Variants in LPGAT1 observed in about 807,000 individuals in gnomAD.
LPGAT1 encodes lysophosphatidylglycerol acyltransferase 1.
LPGAT1 carries 11 observed loss-of-function variants against 47.5 expected under a neutral mutation model. The observed-to-expected ratio is 0.23, with a 90% confidence interval of 0.15 to 0.38. LPGAT1 has a LOEUF of 0.38. Ranked by LOEUF, LPGAT1 falls within the 10% of genes least tolerant of loss-of-function variation. The probability of loss-of-function intolerance (pLI) is 1.00; values close to 1 mark genes in which losing one functional copy is unlikely to be tolerated. For missense variants in LPGAT1, 293 were observed against 439.0 expected (o/e 0.67, Z 2.97); for synonymous variants, 138 against 144.2 (o/e 0.96, Z 0.31).
At position 211,765,882 on chromosome 1, in the gene LPGAT1, G is replaced by T. The variant is rs560083206; in HGVS notation, c.854+13036C>A. 3.9e-5 allele frequency among the ~76,000 whole-genome samples: 6 copies of T among 152,216 alleles called. No individual in the cohort carries two copies. In the South Asian group the frequency reaches 6.2e-4, roughly 16 times the overall value. On this transcript the variant is annotated intron_variant, in intron 6 of 7. Coordinates refer to ENST00000366997, the MANE Select transcript of LPGAT1 (RefSeq NM_014873.3). ...TAAGTGTGTCTGTGTGTGTGTTTCT[G>T]GAAGAAAATAGCATCTGAATTGATG...
chr1:211,761,072 C>T (rs901226999), intron 6 of LPGAT1, among the ~76,000 whole-genome samples: 1 of 152,148 alleles, frequency 6.6e-6, no homozygotes, highest in African/African-American at 2.4e-5. Flanking sequence ...TGAGTAGCAG[C>T]CAAATACTTG....
At chr1:211,783,758 A>T (rs149879682) in intron 4 of LPGAT1, among the ~76,000 whole-genome samples, 1 of 152,326 alleles carries the variant, frequency 6.6e-6, no homozygotes, top group East Asian at 1.9e-4. Flanking sequence ...GCAGTCATTC[A>T]TCAATTCAGT....
chr1:211,776,832 A>G (rs557646058), intron 6 of LPGAT1, among the ~76,000 whole-genome samples: 9 of 152,112 alleles, frequency 5.9e-5, no homozygotes, highest in Admixed American at 2.0e-4. Flanking sequence ...CAAAACTACA[A>G]TTTTTTAGTG....
At chr1:211,760,729 G>A (rs771576421) in intron 6 of LPGAT1, among the ~76,000 whole-genome samples, 4 of 152,130 alleles carry the variant, frequency 2.6e-5, no homozygotes, top group Non-Finnish European at 5.9e-5. Context: ...GGCAGACTCC[G>A]AGCAGAATAA....
chr1:211,818,260 C>T (rs569458671), intron 2 of LPGAT1, among the ~76,000 whole-genome samples: 2 of 152,168 alleles, frequency 1.3e-5, no homozygotes, highest in East Asian at 3.9e-4. Context: ...GAACATCACC[C>T]AAGTCTCTGG....
At chr1:211,768,905 C>A (rs966694589) in intron 6 of LPGAT1, among the ~76,000 whole-genome samples, 2 of 152,014 alleles carry the variant, frequency 1.3e-5, no homozygotes, top group African/African-American at 4.8e-5. Flanking sequence ...AGGAAACAGT[C>A]AGTAGGAACA....
At chr1:211,818,457 G>C (rs1414633123) in intron 2 of LPGAT1, among the ~76,000 whole-genome samples, 1 of 152,130 alleles carries the variant, frequency 6.6e-6, no homozygotes, top group Non-Finnish European at 1.5e-5. Flanking sequence ...TGTGGAATTT[G>C]TTTTCATGTT....
intron 2 of LPGAT1, among the ~76,000 whole-genome samples, chr1:211,801,132 T>C (rs566672651): frequency 6.6e-6 from 1 of 152,270 alleles, no homozygotes; most frequent in South Asian, 2.1e-4. Flanking sequence ...GAAAAGCAGA[T>C]GTGTGAAGGG....
At chr1:211,777,191 G>A (rs1658438912) in intron 6 of LPGAT1, among the ~76,000 whole-genome samples, 1 of 152,076 alleles carries the variant, frequency 6.6e-6, no homozygotes, top group African/African-American at 2.4e-5. Context: ...CACTATTCCT[G>A]GGAGCTGCTA....
chr1:211,755,331 C>G (rs1657394471), intron 6 of LPGAT1, among the ~76,000 whole-genome samples: 1 of 150,954 alleles, frequency 6.6e-6, no homozygotes, highest in Non-Finnish European at 1.5e-5. Context: ...GAGCAAGACT[C>G]CGTCTCAAAA....
rs1274518401 is a variant in LPGAT1 at position 211,744,281 on chromosome 1, C to T, written c.*5618G>A. 6.6e-6 allele frequency: 1 copy of T among 152,126 alleles called. No individual in the cohort carries two copies. Among genetic ancestry groups the T allele is most frequent in the Non-Finnish European group, 1.5e-5 (1 of 68,028 alleles). The allele number at this position is 152,126 out of a possible 1,614,324, so 9.4% of individuals were successfully genotyped here. On this transcript the variant is annotated 3_prime_UTR_variant, in exon 8 of 8. Transcript: ENST00000366997. The stretch of plus-strand genomic sequence containing the variant: ...CTACTGATTCCCAAGACCCAGTGGT[C>T]ACATTTTAGAATTTTGCCTGCAGTT...
intron 2 of LPGAT1, among the ~76,000 whole-genome samples, chr1:211,795,566 C>T (rs2102560032): frequency 6.6e-6 from 1 of 152,270 alleles, no homozygotes; most frequent in South Asian, 2.1e-4. Context: ...GGGGTTTCTC[C>T]ATGTTGGTCA....
chr1:211,760,384 G>C (rs947283554), intron 6 of LPGAT1, among the ~76,000 whole-genome samples: 1 of 152,242 alleles, frequency 6.6e-6, no homozygotes, highest in Non-Finnish European at 1.5e-5. Context: ...GAACCTGGGA[G>C]GCAGAGGTTG....
chr1:211,755,433 G>A (rs1297797550), intron 6 of LPGAT1, among the ~76,000 whole-genome samples: 2 of 151,584 alleles, frequency 1.3e-5, no homozygotes, highest in Admixed American at 1.3e-4. Context: ...AAAAAAATCA[G>A]AAAAGAATAT....
intron 6 of LPGAT1, among the ~76,000 whole-genome samples, chr1:211,757,784 A>G (rs1439051641): frequency 6.6e-6 from 1 of 152,238 alleles, no homozygotes; most frequent in African/African-American, 2.4e-5. Context: ...TTAACTTTCC[A>G]TCTCTTCAAA....
At chr1:211,812,762 T>C (rs879600563) in intron 2 of LPGAT1, among the ~76,000 whole-genome samples, 4 of 152,182 alleles carry the variant, frequency 2.6e-5, no homozygotes, top group Non-Finnish European at 5.9e-5. Context: ...AATGTGACCC[T>C]GGAGGCCGAG....
intron 2 of LPGAT1, among the ~76,000 whole-genome samples, chr1:211,828,367 C>T (rs1265364062): frequency 1.3e-5 from 2 of 152,190 alleles, no homozygotes; most frequent in Admixed American, 6.5e-5. Flanking sequence ...AAAATAAACA[C>T]TTCTCATTTA....
At chr1:211,777,417 C>T (rs561246699) in intron 6 of LPGAT1, among the ~76,000 whole-genome samples, 27 of 152,210 alleles carry the variant, frequency 1.8e-4, no homozygotes, top group East Asian at 3.9e-4. Flanking sequence ...GTAGTTGCCA[C>T]GGGTTGAGGT....
chr1:211,765,288 T>A (rs1657861803), intron 6 of LPGAT1, among the ~76,000 whole-genome samples: 1 of 152,232 alleles, frequency 6.6e-6, no homozygotes, highest in South Asian at 2.1e-4. Flanking sequence ...TTTGCTTTAC[T>A]TTGTCATTCT....
Sources: gnomAD v4.1 joint callset for allele counts (sites outside exome capture counted in the v4.1 genomes callset) on GRCh38, gnomAD v4.1.1 for gene constraint, MANE v1.5 for transcripts, NCBI Gene and HGNC (gene_info 2026-07-23, HGNC 2026-07-21) for gene names.